COL4A5: variants seen among roughly 807,000 people sequenced by gnomAD.
The protein encoded by COL4A5 is collagen alpha-5(IV) chain.
A neutral mutation model predicts 130.2 loss-of-function variants in COL4A5; 26 were observed. That is an observed-to-expected ratio of 0.20 (90% confidence interval 0.15 to 0.28). COL4A5 has a LOEUF of 0.28. COL4A5 is among the 10% of genes least tolerant of loss of function. The pLI is 1.00. For missense variants in COL4A5, 1,131 were observed against 1,344.3 expected, an observed-to-expected ratio of 0.84 and a Z score of 2.48; for synonymous variants, 496 against 439.6, an observed-to-expected ratio of 1.13 and a Z score of -1.60.
At chrX:108,672,615 A>G (rs1412089410) in intron 42 of COL4A5, among the ~76,000 whole-genome samples, 1 of 111,898 alleles carries the variant, frequency 8.9e-6, no homozygotes, top group African/African-American at 3.2e-5. Context: ...CAGTTGAAAA[A>G]TAATGGATTG....
chrX:108,667,155 A>G lies in COL4A5; in HGVS notation c.3576A>G (p.Pro1192=), dbSNP rs1171831043. The G allele has an allele frequency of 1.7e-6, 2 of 1,210,979 alleles. No homozygotes were observed. Among genetic ancestry groups the G allele is most frequent in the Non-Finnish European group, 2.2e-6 (2 of 894,623 alleles). The change falls in exon 40 of 53, where the codon CCA becomes CCG. Residue 1192 remains proline (P), a synonymous_variant. Transcript: ENST00000328300. The part of the protein sequence containing the change: ...GEPGQPGFGN[P]GPPGLPGLSG... The stretch of plus-strand genomic sequence containing the variant: ...CAGGTCAACCAGGCTTTGGAAACCC[A>G]GGACCCCCTGGACTTCCAGGACTTT...
chrX:108,487,691 C>T (rs1178405344), intron 1 of COL4A5, among the ~76,000 whole-genome samples: 6 of 112,096 alleles, frequency 5.4e-5, no homozygotes, highest in Non-Finnish European at 1.1e-4. Context: ...AATTCCACCG[C>T]CCATGTGTCC....
At chrX:108,608,723 A>C (rs567738125) in intron 29 of COL4A5, among the ~76,000 whole-genome samples, 1 of 111,905 alleles carries the variant, frequency 8.9e-6, no homozygotes. Context: ...GGATTTTGAC[A>C]AATGCATACA....
At position 108,591,546 on chromosome X, in the gene COL4A5, CTTT is replaced by C. The variant is rs778039917; in HGVS notation, c.1340-14_1340-12del. ...TTTCACAATTAGCTTGCTATCCTTT[CTTT>C]ATCTTACTCAGGTGATGAGATATGT... On this transcript the variant is annotated splice_polypyrimidine_tract_variant and intron_variant, in intron 20 of 52. Coordinates refer to ENST00000328300, the MANE Select transcript of COL4A5 (RefSeq NM_033380.3). The C allele has an allele frequency of 8.5e-7, 1 of 1,170,394 alleles. No individual in the cohort carries two copies. Among genetic ancestry groups the C allele is most frequent in the Non-Finnish European group, 1.2e-6 (1 of 858,101 alleles).
intron 42 of COL4A5, among the ~76,000 whole-genome samples, chrX:108,673,789 C>T (rs949471916): frequency 9.2e-6 from 1 of 108,735 alleles, no homozygotes; most frequent in African/African-American, 3.3e-5. Flanking sequence ...CGCCTGTAAT[C>T]CCAGCACTTT....
intron 1 of COL4A5, among the ~76,000 whole-genome samples, chrX:108,532,869 CTGTT>C (rs1465999188): frequency 8.9e-6 from 1 of 111,961 alleles, no homozygotes; most frequent in Non-Finnish European, 1.9e-5. Flanking sequence ...CTACAAAACA[CTGTT>C]GAAAGAAATG....
chrX:108,512,802 T>C lies in COL4A5; in HGVS notation c.82-26944T>C, dbSNP rs1183630972. ...ATTGCTAATGAAGTTTCGGGCACCA[T>C]TGTCATTGATAACATCTTATCAGGA... On this transcript the variant is annotated intron_variant, in intron 1 of 52. Transcript: ENST00000328300. Among the ~76,000 whole-genome samples, 7 of 111,531 alleles carry C rather than the reference T, an allele frequency of 6.3e-5. No homozygotes were observed. In the Admixed American group the frequency reaches 6.6e-4, roughly 11 times the overall value.
At chrX:108,680,107 T>A (rs750837923) in intron 44 of COL4A5, among the ~76,000 whole-genome samples, 2 of 112,175 alleles carry the variant, frequency 1.8e-5, no homozygotes, top group Non-Finnish European at 3.8e-5. Flanking sequence ...CAGTTCTGAT[T>A]GATTGAAATA....
Position 108,621,026 on chromosome X carries a change from C to T in COL4A5, c.2677+600C>T, listed in dbSNP as rs1843653156. ...GCTCTCTCTCTCCCTTTTTTTCTTT[C>T]TTTTTCCCTTTCTTTCTCTTTCTTT... On this transcript the variant is annotated intron_variant, in intron 31 of 52. Coordinates refer to ENST00000328300, the MANE Select transcript of COL4A5 (RefSeq NM_033380.3). 2.7e-5 allele frequency among the ~76,000 whole-genome samples: 3 copies of T among 110,459 alleles called. No homozygotes were observed. The South Asian group carries it at 1.1e-3, about 42-fold the overall frequency.
At chrX:108,507,673 C>CA (rs1257054309) in intron 1 of COL4A5, among the ~76,000 whole-genome samples, 2 of 110,879 alleles carry the variant, frequency 1.8e-5, no homozygotes, top group African/African-American at 3.3e-5. Flanking sequence ...CTGGGCATGG[C>CA]AGCATGCACC....
intron 1 of COL4A5, among the ~76,000 whole-genome samples, chrX:108,470,052 T>G (rs976754964): frequency 1.8e-5 from 2 of 112,335 alleles, no homozygotes; most frequent in Non-Finnish European, 3.8e-5. Context: ...GAATCTAGGT[T>G]GATTCCATGT....
intron 18 of COL4A5, among the ~76,000 whole-genome samples, chrX:108,585,902 G>A (rs1323009759): frequency 9.1e-6 from 1 of 110,428 alleles, no homozygotes; most frequent in Non-Finnish European, 1.9e-5. Context: ...AATAAATGTG[G>A]GTTAATAAAG....
At chrX:108,559,010 C>T in intron 2 of COL4A5, 54 bp from the exon 3 acceptor site, 5 of 944,477 alleles carry the variant, frequency 5.3e-6, no homozygotes, top group Non-Finnish European at 7.7e-6. Flanking sequence ...CTCAACCATG[C>T]CTGTGCTTGA....
chrX:108,563,853 C>CA (rs764085914), intron 3 of COL4A5, 29 bp from the exon 4 acceptor site: 10 of 1,194,228 alleles, frequency 8.4e-6, no homozygotes, highest in Non-Finnish European at 1.1e-5. Context: ...TTTTGACGGA[C>CA]AAAAACCTAA....
intron 37 of COL4A5, among the ~76,000 whole-genome samples, chrX:108,664,142 G>A (rs1159139349): frequency 2.7e-5 from 3 of 111,399 alleles, no homozygotes; most frequent in Admixed American, 9.5e-5. Context: ...CCGTGATCGC[G>A]CCACCGCAAT....
At chrX:108,695,569 G>C in intron 52 of COL4A5, 130 bp downstream of exon 52, 1 of 719,375 alleles carries the variant, frequency 1.4e-6, no homozygotes. Flanking sequence ...CTTTATTCTT[G>C]CTTGTTCTTC....
At chrX:108,440,620 AT>A (rs1314118951) in intron 1 of COL4A5, 3 of 146,427 alleles carry the variant, frequency 2.0e-5, no homozygotes, top group African/African-American at 9.6e-5. Flanking sequence ...CTGTAGTTTA[AT>A]ATTTTGGCTC....
intron 36 of COL4A5, among the ~76,000 whole-genome samples, chrX:108,629,952 T>C (rs1335707371): frequency 9.0e-6 from 1 of 111,441 alleles, no homozygotes; most frequent in Non-Finnish European, 1.9e-5. Flanking sequence ...AATGATGGTT[T>C]CCAGCTTCAT....
intron 37 of COL4A5, among the ~76,000 whole-genome samples, chrX:108,663,711 C>T (rs1353228843): frequency 9.3e-6 from 1 of 107,600 alleles, no homozygotes; most frequent in Non-Finnish European, 1.9e-5. Flanking sequence ...AACAAACCTG[C>T]ACATCCTGCA....
Sources: gnomAD v4.1 joint callset for allele counts (sites outside exome capture counted in the v4.1 genomes callset) on GRCh38, gnomAD v4.1.1 for gene constraint, MANE v1.5 for transcripts, NCBI Gene and HGNC (gene_info 2026-07-23, HGNC 2026-07-21) for gene names.